Variants in TIAM2 observed in about 807,000 individuals in gnomAD.
TIAM2 encodes the protein TIAM Rac1 associated GEF 2, also known as rho guanine nucleotide exchange factor TIAM2.
A neutral mutation model predicts 152.9 loss-of-function variants in TIAM2; 80 were observed. The observed-to-expected ratio is 0.52, with a 90% CI of 0.44 to 0.63. TIAM2 has a LOEUF of 0.63. Among genes scored for constraint, TIAM2 ranks in the 30% least tolerant of loss-of-function variants. The probability of loss-of-function intolerance (pLI) is 0.00; values close to 1 mark genes in which losing one functional copy is unlikely to be tolerated. For synonymous variants in TIAM2, 804 were observed against 838.0 expected, an observed-to-expected ratio of 0.96 and a Z score of 0.70; for missense variants, 1,965 against 2,120.1, an observed-to-expected ratio of 0.93 and a Z score of 1.44.
chr6:155,217,748 C>T (rs1781897487), intron 15 of TIAM2, among the ~76,000 whole-genome samples: 1 of 152,210 alleles, frequency 6.6e-6, no homozygotes, highest in African/African-American at 2.4e-5. Flanking sequence ...TGGAGATACA[C>T]AGCGTGACAA....
chr6:155,118,629 T>A (rs1158153089), intron 2 of TIAM2, among the ~76,000 whole-genome samples: 1 of 151,920 alleles, frequency 6.6e-6, no homozygotes, highest in Non-Finnish European at 1.5e-5. Context: ...GAGAAGGGGT[T>A]TCACCGTGTT....
rs538012741 is a variant in TIAM2, at chr6:155,076,837, A to C, written c.-208-13452A>C. Among the ~76,000 whole-genome samples, 321 of 152,268 alleles carry C rather than the reference A, an allele frequency of 2.1e-3. 1 individual carries two copies. Among genetic ancestry groups the C allele is most frequent in the African/African-American group, 7.2e-3 (298 of 41,568 alleles). ...TAGCCTCCCGAGTAGCTGGGATTAC[A>C]TGCGTGTACCGCCATGCCTGGCTAA... is the stretch of plus-strand genomic sequence containing the variant. On this transcript the variant is annotated intron_variant, in intron 1 of 26. Transcript: ENST00000682666.
chr6:155,238,410 C>T (rs1236670301), intron 15 of TIAM2, among the ~76,000 whole-genome samples: 1 of 152,246 alleles, frequency 6.6e-6, no homozygotes. Flanking sequence ...TGCCTGTTAC[C>T]CAGCTCTGAA....
chr6:155,207,042 G>C (rs556713862), intron 14 of TIAM2, among the ~76,000 whole-genome samples: 1 of 152,276 alleles, frequency 6.6e-6, no homozygotes, highest in Admixed American at 6.5e-5. Context: ...ATGTCCTGAT[G>C]AGGCTCTTCC....
In TIAM2 at chr6:155,148,323, A is replaced by G; in HGVS notation, c.2017A>G (p.Ile673Val). The change falls in exon 7 of 27, where the codon ATA (isoleucine) becomes GTA (valine). Residue 673 changes from isoleucine (I) to valine (V), a missense_variant. By Grantham distance (29) the Ile-to-Val change is conservative. Transcript: ENST00000682666. ...GAGCGACCCAAAGAACAGGAAAGCC[A>G]TAGAGAACCAGGTACTGTTTGTCTA... ...VVSDPKNRKA[I>V]ENQIQQWEQN... 7 of 1,611,830 alleles carry G rather than the reference A, an allele frequency of 4.3e-6. No homozygotes were observed. Among genetic ancestry groups the G allele is most frequent in the Non-Finnish European group, 5.1e-6 (6 of 1,179,852 alleles).
Position 155,240,567 on chromosome 6 carries a change from A to G in TIAM2, c.3206A>G (p.Asn1069Ser). The G allele has an allele frequency of 1.2e-6, 2 of 1,614,106 alleles. No homozygotes were observed. Among genetic ancestry groups the G allele is most frequent in the Non-Finnish European group, 1.7e-6 (2 of 1,180,032 alleles). ...ATCACTGCACTGTGCAGGAGTTTTA[A>G]CGACAGTCAGGCCAACGGCATGGAA... ...EQITALCRSFNDSQANGMEGP... is the reference protein window; with the variant it reads ...EQITALCRSFSDSQANGMEGP... The change falls in exon 16 of 27, where the codon AAC becomes AGC. Residue 1069 changes from asparagine (N) to serine (S), a missense_variant. Physicochemically the swap from Asn to Ser is conservative, Grantham distance 46 (BLOSUM62 1). This residue lies in a region of TIAM2 where 935 missense variants were observed against 980.0 expected (regional missense o/e 0.95). Transcript: ENST00000682666.
chr6:155,246,293 C>G (rs529882196), intron 19 of TIAM2, among the ~76,000 whole-genome samples: 115 of 152,208 alleles, frequency 7.6e-4, no homozygotes, highest in Non-Finnish European at 9.7e-4. Flanking sequence ...TCCACGGATG[C>G]AGCTCTGCCA....
chr6:155,016,724 C>T (rs1338219403), intron 1 of TIAM2, among the ~76,000 whole-genome samples: 1 of 151,888 alleles, frequency 6.6e-6, no homozygotes, highest in Non-Finnish European at 1.5e-5. Flanking sequence ...CATGGTGAAA[C>T]CTGTCTCTAC....
intron 15 of TIAM2, among the ~76,000 whole-genome samples, chr6:155,229,059 C>T (rs1369711794): frequency 6.6e-6 from 1 of 152,208 alleles, no homozygotes; most frequent in Non-Finnish European, 1.5e-5. Context: ...CACTGCCCAC[C>T]TCCTCCCTCT....
chr6:155,245,755 G>GTTTT (rs11435976), intron 19 of TIAM2, 24 bp downstream of exon 19: 96,843 of 1,007,396 alleles, frequency 0.096, 2,161 homozygotes, highest in Middle Eastern at 0.12. Context: ...GCCTTTTATA[G>GTTTT]TTTTTTTTTT....
chr6:155,068,132 G>A (rs898174959), intron 1 of TIAM2, among the ~76,000 whole-genome samples: 6 of 152,156 alleles, frequency 3.9e-5, no homozygotes, highest in African/African-American at 1.4e-4. Context: ...GCAGTGCTGG[G>A]AATGTCACTG....
chr6:155,230,979 T>G (rs1782449478), intron 15 of TIAM2, among the ~76,000 whole-genome samples: 1 of 149,766 alleles, frequency 6.7e-6, no homozygotes, highest in South Asian at 2.1e-4. Flanking sequence ...ATTACAGGTG[T>G]GTGCCACCAA....
intron 14 of TIAM2, among the ~76,000 whole-genome samples, chr6:155,198,733 T>TG (rs1203773641): frequency 6.7e-6 from 1 of 148,600 alleles, no homozygotes; most frequent in Non-Finnish European, 1.5e-5. Context: ...GAATGAATTA[T>TG]GGGGGATAAA....
At chr6:155,013,819 GC>G (rs1778528251) in intron 1 of TIAM2, 1 of 152,042 alleles carries the variant, frequency 6.6e-6, no homozygotes, top group African/African-American at 2.4e-5. Context: ...TTTCCTAAGT[GC>G]TGAGTAAGTA....
chr6:155,048,570 G>C (rs979727112), intron 1 of TIAM2, among the ~76,000 whole-genome samples: 1 of 152,092 alleles, frequency 6.6e-6, no homozygotes. Flanking sequence ...GGGGTCAGGG[G>C]TGTCCTGGGA....
chr6:155,083,228 A>G (rs541402429), intron 1 of TIAM2, among the ~76,000 whole-genome samples: 1 of 152,016 alleles, frequency 6.6e-6, no homozygotes, highest in South Asian at 2.1e-4. Flanking sequence ...GTGCACCTGT[A>G]ATGCCAGCTA....
chr6:155,042,325 G>A (rs998565373), intron 1 of TIAM2, among the ~76,000 whole-genome samples: 4 of 152,130 alleles, frequency 2.6e-5, no homozygotes, highest in Non-Finnish European at 5.9e-5. Context: ...TAAATTGCAA[G>A]CAGGGGCTGG....
chr6:155,066,820 A>G (rs551752440), intron 1 of TIAM2, among the ~76,000 whole-genome samples: 68 of 152,018 alleles, frequency 4.5e-4, no homozygotes, highest in Non-Finnish European at 8.7e-4. Context: ...CAGTGGTGCG[A>G]TCTTGGCTCA....
intron 14 of TIAM2, among the ~76,000 whole-genome samples, chr6:155,192,096 G>C (rs1583240868): frequency 6.6e-6 from 1 of 152,240 alleles, no homozygotes; most frequent in East Asian, 1.9e-4. Context: ...CAGAATCAGA[G>C]AAGTAAATGT....
Sources: allele counts gnomAD v4.1 joint callset (sites outside exome capture counted in the v4.1 genomes callset), GRCh38; gene constraint gnomAD v4.1.1; regional missense constraint gnomAD v4.1.1; transcripts MANE v1.5; gene names NCBI Gene and HGNC (gene_info 2026-07-23, HGNC 2026-07-21).